Variants in LARGE1 observed in about 807,000 individuals in gnomAD.
LARGE1 encodes the protein LARGE xylosyl- and glucuronyltransferase 1, also known as xylosyl- and glucuronyltransferase LARGE1.
A neutral mutation model predicts 87.6 loss-of-function variants in LARGE1; 43 were observed. The ratio of observed to expected loss-of-function variants is 0.49; its 90% CI spans 0.38 to 0.63. The LOEUF is 0.63. Ranked by LOEUF, LARGE1 falls within the 30% of genes least tolerant of loss-of-function variation. LARGE1 has a pLI of 0.00. For missense variants in LARGE1, 802 were observed against 1,000.2 expected (o/e 0.80, Z 2.67); for synonymous variants, 434 against 394.6 (o/e 1.10, Z -1.18).
chr22:33,462,148 A>C (rs1032399592), intron 6 of LARGE1, among the ~76,000 whole-genome samples: 1 of 152,236 alleles, frequency 6.6e-6, no homozygotes, highest in Non-Finnish European at 1.5e-5. Flanking sequence ...GTGTATTTGA[A>C]AAGGAACCAA....
exon 12 of LARGE1, chr22:33,163,638 G>GT (rs1922117644): frequency 1.3e-5 from 2 of 152,234 alleles, no homozygotes; most frequent in Admixed American, 6.5e-5. Flanking sequence ...ACAGTGTACG[G>GT]TTTTATCACA....
intron 11 of LARGE1, among the ~76,000 whole-genome samples, chr22:33,187,994 C>CA (rs1246264593): frequency 9.2e-6 from 1 of 108,466 alleles, no homozygotes; most frequent in Non-Finnish European, 1.9e-5. Context: ...TGTTCTCCCA[C>CA]AAAAAAATAG....
intron 9 of LARGE1, among the ~76,000 whole-genome samples, chr22:33,342,600 G>T (rs1939281123): frequency 6.6e-6 from 1 of 152,170 alleles, no homozygotes; most frequent in South Asian, 2.1e-4. Context: ...GAAATTTACA[G>T]AGAAATGAGT....
chr22:33,149,264 G>A, the LARGE1 span, among the ~76,000 whole-genome samples: 2 of 151,832 alleles, frequency 1.3e-5, no homozygotes, highest in African/African-American at 2.4e-5. Context: ...GGATGGTCTC[G>A]ATCTCCTGAC....
At chr22:33,403,610 C>CT (rs923885546) in intron 7 of LARGE1, among the ~76,000 whole-genome samples, 32 of 148,850 alleles carry the variant, frequency 2.1e-4, no homozygotes, top group Admixed American at 4.0e-4. Flanking sequence ...CATTTCTTTT[C>CT]TTTTTTTTTT....
At chr22:33,802,897 C>T (rs142522288) in intron 1 of LARGE1, among the ~76,000 whole-genome samples, 2 of 152,208 alleles carry the variant, frequency 1.3e-5, no homozygotes, top group African/African-American at 4.8e-5. Context: ...GCCTTGAACA[C>T]AGCCTAACAC....
chr22:33,750,309 T>G (rs899509564), intron 2 of LARGE1, among the ~76,000 whole-genome samples: 3 of 152,224 alleles, frequency 2.0e-5, no homozygotes, highest in African/African-American at 7.2e-5. Flanking sequence ...AATGAGGGTC[T>G]GGTTTTGCAG....
intron 11 of LARGE1, among the ~76,000 whole-genome samples, chr22:33,204,470 C>T (rs1043801048): frequency 1.3e-5 from 2 of 152,084 alleles, no homozygotes; most frequent in African/African-American, 4.8e-5. Context: ...TTATCAGCTT[C>T]CCAATCTCAA....
At chr22:33,595,152 C>T (rs1008763715) in intron 5 of LARGE1, among the ~76,000 whole-genome samples, 3 of 152,098 alleles carry the variant, frequency 2.0e-5, no homozygotes, top group Admixed American at 6.6e-5. Flanking sequence ...AAGCACTTCT[C>T]TCTCTTTTTT....
At chr22:33,097,075 C>A in the LARGE1 span, among the ~76,000 whole-genome samples, 1 of 152,140 alleles carries the variant, frequency 6.6e-6, no homozygotes, top group Non-Finnish European at 1.5e-5. Context: ...TAAGTACCAC[C>A]CTTGGGTGTC....
chr22:33,329,927 T>A (rs1937532519), intron 10 of LARGE1, among the ~76,000 whole-genome samples: 1 of 152,082 alleles, frequency 6.6e-6, no homozygotes, highest in Non-Finnish European at 1.5e-5. Context: ...ATGGAAACTT[T>A]CTATGCTATC....
At chr22:33,125,800 T>A in the LARGE1 span, among the ~76,000 whole-genome samples, 1 of 152,100 alleles carries the variant, frequency 6.6e-6, no homozygotes. Context: ...CAGGCTGGAG[T>A]GCAGTGGTGC....
intron 1 of LARGE1, among the ~76,000 whole-genome samples, chr22:33,818,709 C>T (rs1663091313): frequency 6.6e-6 from 1 of 152,190 alleles, no homozygotes; most frequent in Admixed American, 6.5e-5. Flanking sequence ...ACAGCAAATA[C>T]CTACCGAACA....
At chr22:33,301,185 C>T (rs1934094753) in intron 12 of LARGE1, among the ~76,000 whole-genome samples, 1 of 152,124 alleles carries the variant, frequency 6.6e-6, no homozygotes, top group Non-Finnish European at 1.5e-5. Context: ...TCCATCTACT[C>T]ACCAGAAAAA....
At chr22:33,710,621 A>G (rs1240195331) in intron 2 of LARGE1, among the ~76,000 whole-genome samples, 1 of 152,238 alleles carries the variant, frequency 6.6e-6, no homozygotes, top group Non-Finnish European at 1.5e-5. Context: ...AATGGGCACA[A>G]GGCACTCATT....
At chr22:33,872,359 C>CTATTATTATTATTAT (rs3072360) in intron 1 of LARGE1, among the ~76,000 whole-genome samples, 5 of 142,796 alleles carry the variant, frequency 3.5e-5, no homozygotes, top group East Asian at 4.1e-4. Context: ...TAAATGCTAT[C>CTATTATTATTATTAT]TATTATTATT....
chr22:33,424,385 C>G (rs2066801020), intron 7 of LARGE1, among the ~76,000 whole-genome samples: 1 of 152,192 alleles, frequency 6.6e-6, no homozygotes, highest in South Asian at 2.1e-4. Flanking sequence ...AGCCATCTCT[C>G]ACAGAATTCC....
intron 11 of LARGE1, among the ~76,000 whole-genome samples, chr22:33,306,595 AG>A (rs1934957517): frequency 6.6e-6 from 1 of 152,180 alleles, no homozygotes; most frequent in Non-Finnish European, 1.5e-5. Context: ...CAGAGAGGCC[AG>A]GAGCGGTGGC....
the LARGE1 span, among the ~76,000 whole-genome samples, chr22:33,088,676 T>G: frequency 6.6e-6 from 1 of 152,228 alleles, no homozygotes; most frequent in Admixed American, 6.5e-5. Flanking sequence ...ACACTAGTAC[T>G]TAATCATACT....
Sources: allele counts gnomAD v4.1 joint callset (sites outside exome capture counted in the v4.1 genomes callset), GRCh38; gene constraint gnomAD v4.1.1; transcripts MANE v1.5; gene names NCBI Gene and HGNC (gene_info 2026-07-23, HGNC 2026-07-21).